The following BORCS5 variants were observed in gnomAD, a reference collection of about 807,000 sequenced individuals.
BORCS5 encodes the protein BLOC-1-related complex subunit 5.
A neutral mutation model predicts 22.1 loss-of-function variants in BORCS5; 17 were observed. The ratio of observed to expected loss-of-function variants is 0.77; its 90% CI spans 0.53 to 1.15. The LOEUF is 1.15. BORCS5 is among the 50% of genes most tolerant of loss of function. The probability of loss-of-function intolerance (pLI) is 0.00; values close to 1 mark genes in which losing one functional copy is unlikely to be tolerated. For missense variants in BORCS5, 247 were observed against 253.2 expected (o/e 0.98, Z 0.17); for synonymous variants, 117 against 99.8 (o/e 1.17, Z -1.03).
intron 2 of BORCS5, among the ~76,000 whole-genome samples, chr12:12,385,900 G>C (rs887775503): frequency 6.6e-6 from 1 of 151,498 alleles, no homozygotes; most frequent in Admixed American, 6.6e-5. Flanking sequence ...AATTATGTTT[G>C]AATGGTATGA....
At chr12:12,420,609 G>A (rs1942091519) in intron 2 of BORCS5, among the ~76,000 whole-genome samples, 1 of 152,184 alleles carries the variant, frequency 6.6e-6, no homozygotes, top group African/African-American at 2.4e-5. Flanking sequence ...AATGGGGATG[G>A]CATTGAATCT....
intron 2 of BORCS5, among the ~76,000 whole-genome samples, chr12:12,430,573 T>A (rs999780229): frequency 4.6e-5 from 7 of 152,304 alleles, no homozygotes; most frequent in African/African-American, 1.7e-4. Context: ...CCTGAAGTTC[T>A]TACTCATAGA....
chr12:12,384,205 C>T lies in BORCS5; in HGVS notation c.202+22856C>T, dbSNP rs1389367127. 2.0e-5 allele frequency among the ~76,000 whole-genome samples: 3 copies of T among 150,974 alleles called. 1 individual carries two copies. The highest frequency in any genetic ancestry group is 4.4e-5 in the Non-Finnish European group (3 of 67,596). ...ATTATGTTGCCCGGCTGGTCTCAAA[C>T]TCCTGGGCTCAAGCAATGTGCTGAC... On this transcript the variant is annotated intron_variant, in intron 2 of 3. Transcript: ENST00000314565.
chr12:12,454,840 A>G (rs539934735), intron 3 of BORCS5, among the ~76,000 whole-genome samples: 1 of 152,202 alleles, frequency 6.6e-6, no homozygotes, highest in Non-Finnish European at 1.5e-5. Context: ...GGTAGGATGA[A>G]TATTAGCCAT....
At chr12:12,414,254 G>A (rs1941845614) in intron 2 of BORCS5, among the ~76,000 whole-genome samples, 1 of 65,116 alleles carries the variant, frequency 1.5e-5, no homozygotes, top group East Asian at 3.6e-4. Context: ...GCCGGGCAGA[G>A]GGGCTCCTCA....
chr12:12,412,586 T>C (rs1014472737), intron 2 of BORCS5, among the ~76,000 whole-genome samples: 1 of 152,216 alleles, frequency 6.6e-6, no homozygotes, highest in Non-Finnish European at 1.5e-5. Flanking sequence ...TTAACTTCTT[T>C]CTTTCTAATT....
intron 2 of BORCS5, among the ~76,000 whole-genome samples, chr12:12,376,197 C>T (rs368841314): frequency 2.7e-5 from 4 of 150,700 alleles, no homozygotes; most frequent in Non-Finnish European, 4.4e-5. Flanking sequence ...GCAGGATTTT[C>T]GGAACAGGTG....
At chr12:12,459,725 T>C (rs1943068672) in intron 3 of BORCS5, among the ~76,000 whole-genome samples, 1 of 152,254 alleles carries the variant, frequency 6.6e-6, no homozygotes, top group African/African-American at 2.4e-5. Flanking sequence ...CTGTGAGATG[T>C]AAGGCTCCAG....
At chr12:12,433,993 G>T (rs1383087487) in intron 2 of BORCS5, among the ~76,000 whole-genome samples, 2 of 152,090 alleles carry the variant, frequency 1.3e-5, no homozygotes, top group African/African-American at 4.8e-5. Context: ...GACATTGGTG[G>T]TTGGGGTCGG....
chr12:12,420,544 A>C (rs1248231871), intron 2 of BORCS5, among the ~76,000 whole-genome samples: 2 of 152,164 alleles, frequency 1.3e-5, no homozygotes, highest in African/African-American at 2.4e-5. Flanking sequence ...TTTTGGTTCC[A>C]TATGAACTTT....
chr12:12,415,564 A>AGGGGGAGGGGGAAGGGGC, intron 2 of BORCS5, among the ~76,000 whole-genome samples: 1 of 6,754 alleles, frequency 1.5e-4, no homozygotes, highest in East Asian at 4.5e-3. Flanking sequence ...AGAGAGGGGG[A>AGGGGGAGGGGGAAGGGGC]GGGGGAGGGG....
rs139944809 is a variant in BORCS5, at chr12:12,443,593, G to A, written c.360+7808G>A. ...TTGCACCAGCACTGTCCTGCCAAAA[G>A]CCAGAAATCCTGGAAGAGGGCCGAA... On this transcript the variant is annotated intron_variant, in intron 3 of 3. Transcript: ENST00000314565. Among the ~76,000 whole-genome samples, 125 of 152,360 alleles carry A rather than the reference G, an allele frequency of 8.2e-4. 2 individuals carry two copies. The East Asian group carries it at 0.021, about 26-fold the overall frequency.
chr12:12,371,619 C>G (rs1031667121), intron 2 of BORCS5, among the ~76,000 whole-genome samples: 1 of 152,132 alleles, frequency 6.6e-6, no homozygotes, highest in Non-Finnish European at 1.5e-5. Flanking sequence ...TTGAAAATGA[C>G]AAGTTCACAC....
intron 2 of BORCS5, among the ~76,000 whole-genome samples, chr12:12,383,200 G>A (rs1457178951): frequency 2.6e-5 from 4 of 151,242 alleles, no homozygotes; most frequent in Non-Finnish European, 5.9e-5. Context: ...CAGTGTACAT[G>A]TTAATTATCA....
intron 3 of BORCS5, chr12:12,452,457 T>C (rs754460767): frequency 3.7e-5 from 19 of 510,866 alleles, no homozygotes; most frequent in Middle Eastern, 3.4e-4. Context: ...TTCCCATGAT[T>C]GTTAAGATTA....
rs1174352508 is a variant in BORCS5 at position 12,468,540 on chromosome 12, C to A, written c.*2764C>A. 1 of 152,244 alleles carries A rather than the reference C, an allele frequency of 6.6e-6. No individual in the cohort carries two copies. Among genetic ancestry groups the A allele is most frequent in the Non-Finnish European group, 1.5e-5 (1 of 68,066 alleles). 9.4% of individuals were successfully genotyped at this position (152,244 alleles called of 1,614,324 possible). On this transcript the variant is annotated 3_prime_UTR_variant, in exon 4 of 4. Coordinates refer to ENST00000314565, the MANE Select transcript of BORCS5 (RefSeq NM_058169.6). ...CAGGTCTGGGTGGGCTCTCAAGCCC[C>A]TTTCAGCTCTAAGATTCCAAGTCTG...
At chr12:12,443,287 C>T (rs774911384) in intron 3 of BORCS5, among the ~76,000 whole-genome samples, 3 of 152,162 alleles carry the variant, frequency 2.0e-5, no homozygotes, top group Non-Finnish European at 2.9e-5. Context: ...ATTGAGATGT[C>T]GGCTTCTTTT....
At chr12:12,458,965 C>A (rs971041013) in intron 3 of BORCS5, among the ~76,000 whole-genome samples, 2 of 151,786 alleles carry the variant, frequency 1.3e-5, no homozygotes, top group African/African-American at 4.8e-5. Context: ...AAGCCAGACT[C>A]CGTCTCAAAA....
chr12:12,362,036 C>T (rs888811958), intron 2 of BORCS5, among the ~76,000 whole-genome samples: 11 of 152,126 alleles, frequency 7.2e-5, no homozygotes, highest in African/African-American at 2.7e-4. Flanking sequence ...CCTCCCTCAC[C>T]CCCACCAAAG....
Sources: allele counts gnomAD v4.1 joint callset (sites outside exome capture counted in the v4.1 genomes callset), GRCh38; gene constraint gnomAD v4.1.1; transcripts MANE v1.5; gene names NCBI Gene and HGNC (gene_info 2026-07-23, HGNC 2026-07-21).